The following KNDC1 variants were observed in gnomAD, a reference collection of about 807,000 sequenced individuals.
The protein encoded by KNDC1 is kinase non-catalytic C-lobe domain-containing protein 1.
Under a neutral mutation model 172.8 loss-of-function variants are expected in KNDC1, and 106 were observed. The observed-to-expected ratio is 0.61, with a 90% CI of 0.52 to 0.72. The LOEUF (loss-of-function observed/expected upper bound fraction) is 0.72. Among genes scored for constraint, KNDC1 ranks in the 30% least tolerant of loss-of-function variants. KNDC1 has a pLI of 0.00. For missense variants in KNDC1, 2,325 were observed against 2,394.5 expected, an observed-to-expected ratio of 0.97 and a Z score of 0.61; for synonymous variants, 1,083 against 1,062.2, an observed-to-expected ratio of 1.02 and a Z score of -0.38.
intron 4 of KNDC1, among the ~76,000 whole-genome samples, 171 bp downstream of exon 4, chr10:133,183,661 G>A (rs957030527): frequency 6.6e-6 from 1 of 152,192 alleles, no homozygotes; most frequent in Non-Finnish European, 1.5e-5. Context: ...GTCCATTTTT[G>A]TTATGAAAGG....
chr10:133,188,674 T>TCC, intron 7 of KNDC1, 21 bp downstream of exon 7: 3 of 1,215,942 alleles, frequency 2.5e-6, no homozygotes, highest in South Asian at 1.4e-5. Context: ...CACCATCCCA[T>TCC]CCCCCCCGCC....
intron 5 of KNDC1, 38 bp from the exon 6 acceptor site, chr10:133,185,936 G>GGGGAGGGGTGGGAGGAGAGGGGA (rs1853895852): frequency 6.8e-7 from 1 of 1,478,342 alleles, no homozygotes; most frequent in Non-Finnish European, 9.1e-7. Context: ...AGGGGCGGGA[G>GGGGAGGGGTGGGAGGAGAGGGGA]GGGCACCCAG....
Position 133,193,103 on chromosome 10 carries a change from G to C in KNDC1, c.1576-2560G>C, listed in dbSNP as rs1027762355. ...AGCAGCTTACATATATACACATATG[G>C]GGGGGGAAAACAGTTCAGATGATCA... On this transcript the variant is annotated intron_variant, in intron 9 of 29. Transcript: ENST00000304613. Among the ~76,000 whole-genome samples the C allele has an allele frequency of 2.1e-4, 11 of 53,474 alleles. No individual in the cohort carries two copies. In the South Asian group the frequency reaches 7.6e-3, roughly 37 times the overall value. 35.1% of individuals were successfully genotyped at this position (53,474 alleles called of 152,430 possible).
Position 133,211,478 on chromosome 10 carries a change from T to C in KNDC1, c.3965T>C (p.Val1322Ala). 6.2e-7 allele frequency: 1 copy of C among 1,613,906 alleles called. No individual in the cohort carries two copies. ...FTKIYRRSLC[V>A]LQAWVEDCYA... is the part of the protein sequence containing the mutation. ...AAGATCTACAGGCGGAGCCTCTGCG[T>C]CCTGCAGGCCTGGGTGGAGGACTGC... The change falls in exon 22 of 30, where the codon GTC (valine) becomes GCC (alanine). Residue 1322 changes from valine (V) to alanine (A), a missense_variant. Transcript: ENST00000304613.
chr10:133,161,631 C>G (rs1209101888), intron 1 of KNDC1, among the ~76,000 whole-genome samples: 4 of 152,216 alleles, frequency 2.6e-5, no homozygotes, highest in African/African-American at 9.6e-5. Context: ...CGGGGGTTGG[C>G]GATGCCCCCG....
At position 133,212,873 on chromosome 10, in the gene KNDC1, C is replaced by T. The variant is rs540301676; in HGVS notation, c.4394C>T (p.Thr1465Met). The T allele has an allele frequency of 1.2e-5, 20 of 1,613,886 alleles. No homozygotes were observed. The highest frequency in any genetic ancestry group is 3.3e-4 in the Middle Eastern group (2 of 6,060). Residue 1465 changes from threonine (T) to methionine (M), a missense_variant, in exon 24 of 30, where the codon ACG (threonine) becomes ATG (methionine). Coordinates refer to ENST00000304613, the MANE Select transcript of KNDC1 (RefSeq NM_152643.8). ...KTSEKGPYFL[T>M]EYSTHQLFSQ... Reference sequence around the variant, plus strand: ...AGTGAGAAGGGGCCCTACTTCCTGACGGAGTACAGCACTCACCAGCTCTTC... The same window carrying T: ...AGTGAGAAGGGGCCCTACTTCCTGATGGAGTACAGCACTCACCAGCTCTTC...
intron 29 of KNDC1, among the ~76,000 whole-genome samples, chr10:133,223,812 G>A (rs1455371149): frequency 6.0e-4 from 22 of 36,596 alleles, no homozygotes; most frequent in African/African-American, 1.9e-3. Context: ...TGCTCTTCCC[G>A]GCGTGTGTGT....
At chr10:133,182,223 G>C (rs896942886) in intron 3 of KNDC1, among the ~76,000 whole-genome samples, 1 of 152,172 alleles carries the variant, frequency 6.6e-6, no homozygotes, top group African/African-American at 2.4e-5. Context: ...GACGGACTGG[G>C]GAGGTGGGTC....
In KNDC1 at chr10:133,168,305, C is replaced by T; in HGVS notation, c.353C>T (p.Thr118Ile). 3 of 1,614,132 alleles carry T rather than the reference C, an allele frequency of 1.9e-6. No homozygotes were observed. The highest frequency in any genetic ancestry group is 2.5e-6 in the Non-Finnish European group (3 of 1,179,978). ...CCCGAGTTCGACGTGACCGGGAACA[C>T]CTTTGAGGTAAGTGCAGGTGGGGGT... ...VPPEFDVTGN[T>I]FEAHIYSLGA... Residue 118 changes from threonine (T) to isoleucine (I), a missense_variant, in exon 3 of 30, where the codon ACC becomes ATC. Transcript: ENST00000304613.
chr10:133,202,638 G>A (rs1380409835), intron 17 of KNDC1: 3 of 456,550 alleles, frequency 6.6e-6, no homozygotes, highest in South Asian at 3.1e-5. Flanking sequence ...CCAGCCTCTG[G>A]GCATCGGAGC....
intron 28 of KNDC1, 57 bp downstream of exon 28, chr10:133,219,147 G>T: frequency 6.4e-7 from 1 of 1,572,400 alleles, no homozygotes; most frequent in East Asian, 2.3e-5. Context: ...TCTCCTAAAC[G>T]AACTGCTGTG....
Position 133,197,731 on chromosome 10 carries a change from G to C in KNDC1, c.1869G>C (p.Leu623=), listed in dbSNP as rs1483639351. Residue 623 remains leucine (L), a synonymous_variant, in exon 12 of 30, where the codon CTG becomes CTC. Transcript: ENST00000304613. The stretch of plus-strand genomic sequence containing the variant: ...AAAACGCCTTCTCAGTGGTTGAACT[G>C]AAGCCCAGTGTGGCACCAGCCCCAG... ...SLQNAFSVVE[L]KPSVAPAPEP... 1 of 1,613,116 alleles carries C rather than the reference G, an allele frequency of 6.2e-7. No homozygotes were observed. The highest frequency in any genetic ancestry group is 1.1e-5 in the South Asian group (1 of 91,084).
chr10:133,202,375 G>T, intron 17 of KNDC1: 1 of 443,328 alleles, frequency 2.3e-6, no homozygotes, highest in Non-Finnish European at 4.5e-6. Context: ...GCCATCCTGG[G>T]TCAGGAGCAG....
chr10:133,164,443 C>T lies in KNDC1; in HGVS notation c.103-2938C>T, dbSNP rs766622555. On this transcript the variant is annotated intron_variant, in intron 1 of 29. Transcript: ENST00000304613. ...GGAAAGTCACGAGGCCCCAGCCTGC[C>T]GTGGGGCCCTCGTGGGTGCTGGGCA... Among the ~76,000 whole-genome samples, 12 of 152,318 alleles carry T rather than the reference C, an allele frequency of 7.9e-5. No homozygotes were observed. In the Middle Eastern group the frequency reaches 0.01, roughly 130 times the overall value.
At chr10:133,178,832 C>G (rs1348381959) in intron 3 of KNDC1, 1 of 152,270 alleles carries the variant, frequency 6.6e-6, no homozygotes, top group Non-Finnish European at 1.5e-5. Flanking sequence ...TGCTCCCTGA[C>G]AGCCGTCAGC....
At chr10:133,170,585 T>C (rs1310089782) in intron 3 of KNDC1, among the ~76,000 whole-genome samples, 2 of 152,250 alleles carry the variant, frequency 1.3e-5, no homozygotes, top group Non-Finnish European at 1.5e-5. Flanking sequence ...TCTCTTCATG[T>C]TTATGATGAT....
chr10:133,194,680 C>G lies in KNDC1; in HGVS notation c.1576-983C>G, dbSNP rs1854142335. On this transcript the variant is annotated intron_variant, in intron 9 of 29. Transcript: ENST00000304613. ...CTCTGTAAAGGGGAGCTGCCTCTTCCCAGCTCCACACTCAAGGGCACTGCA... is the reference window on the plus strand; with the variant it reads ...CTCTGTAAAGGGGAGCTGCCTCTTCGCAGCTCCACACTCAAGGGCACTGCA... 2.6e-5 allele frequency among the ~76,000 whole-genome samples: 4 copies of G among 152,292 alleles called. No individual in the cohort carries two copies. In the South Asian group the frequency reaches 8.3e-4, roughly 32 times the overall value.
At chr10:133,181,834 C>CCACACACACACACACACACACACACACA (rs369062586) in intron 3 of KNDC1, among the ~76,000 whole-genome samples, 259 of 138,880 alleles carry the variant, frequency 1.9e-3, no homozygotes, top group African/African-American at 6.3e-3. Flanking sequence ...CCAGGACCGT[C>CCACACACACACACACACACACACACACA]CACACACACA....
At chr10:133,185,238 A>C (rs368587980) in intron 5 of KNDC1, among the ~76,000 whole-genome samples, 1 of 50,222 alleles carries the variant, frequency 2.0e-5, no homozygotes, top group African/African-American at 6.5e-5. Flanking sequence ...GCAGTGTGGA[A>C]TAGGCAGTGT....
Sources: gnomAD v4.1 joint callset for allele counts (sites outside exome capture counted in the v4.1 genomes callset) on GRCh38, gnomAD v4.1.1 for gene constraint, MANE v1.5 for transcripts, NCBI Gene and HGNC (gene_info 2026-07-23, HGNC 2026-07-21) for gene names.